The following CRNN variants were observed in gnomAD, a reference collection of about 807,000 sequenced individuals.
The protein encoded by CRNN is cornulin, also known as 53 kDa putative calcium-binding protein.
Under a neutral mutation model 44.7 loss-of-function variants are expected in CRNN, and 39 were observed. That is an observed-to-expected ratio of 0.87 (90% confidence interval 0.68 to 1.14). CRNN has a LOEUF of 1.14. Ranked by LOEUF, CRNN falls within the 50% of genes most tolerant of loss-of-function variation. CRNN has a pLI of 0.00. For synonymous variants in CRNN, 240 were observed against 231.8 expected, an observed-to-expected ratio of 1.04 and a Z score of -0.32; for missense variants, 606 against 605.1, an observed-to-expected ratio of 1.00 and a Z score of -0.02.
intron 1 of CRNN, among the ~76,000 whole-genome samples, chr1:152,413,331 T>C (rs1655823776): frequency 6.6e-6 from 1 of 152,234 alleles, no homozygotes. Flanking sequence ...GAAGATTCAT[T>C]AAGCAGAAGC....
At position 152,410,919 on chromosome 1, in the gene CRNN, C is replaced by T. The variant is rs2101705433; in HGVS notation, c.163G>A (p.Asp55Asn). 6.2e-7 allele frequency: 1 copy of T among 1,611,734 alleles called. No individual in the cohort carries two copies. The highest frequency in any genetic ancestry group is 1.3e-5 in the African/African-American group (1 of 74,994). The change falls in exon 3 of 3, where the codon GAT (aspartate) becomes AAT (asparagine). Residue 55 changes from aspartate (D) to asparagine (N), a missense_variant. Coordinates refer to ENST00000271835, the MANE Select transcript of CRNN (RefSeq NM_016190.3). Reference protein sequence around the residue: ...IVKPHDPATVDEVLRLLDEDH... With the variant: ...IVKPHDPATVNEVLRLLDEDH... The stretch of plus-strand genomic sequence containing the variant: ...TCATCCAGCAGACGCAGGACCTCAT[C>T]CACAGTTGCTGGATCGTGGGGTTTC...
intron 1 of CRNN, among the ~76,000 whole-genome samples, chr1:152,413,698 T>G (rs148131348): frequency 2.8e-4 from 42 of 152,356 alleles, no homozygotes; most frequent in African/African-American, 8.9e-4. Flanking sequence ...GTAGCAGACT[T>G]TAACCACTGA....
rs769957412 is a variant in CRNN, at chr1:152,410,226, GTCC to G, written c.853_855del (p.Gly285del). On this transcript the variant is annotated inframe_deletion, in exon 3 of 3. Transcript: ENST00000271835. ...TGTGTCCCTGCCTGTATCTGAGCAT[GTCC>G]TCCTGTCACAGCCTGGCTGGTCTGG... 2.0e-5 allele frequency: 32 copies of G among 1,612,448 alleles called. No individual in the cohort carries two copies. The highest frequency in any genetic ancestry group is 4.2e-6 in the Non-Finnish European group (5 of 1,179,510).
rs936134247 is a variant in CRNN, at chr1:152,409,944, G to A, written c.1138C>T (p.Gln380Ter). 1.2e-6 allele frequency: 2 copies of A among 1,614,060 alleles called. No individual in the cohort carries two copies. Among genetic ancestry groups the A allele is most frequent in the Non-Finnish European group, 1.7e-6 (2 of 1,180,032 alleles). ...ATCCATCTTTGACCACTGCCTGGCT[G>A]CGTCTGGGTCTGTCCCTGTTCTCTA... ...GAREQGQTQT[Q>*]PGSGQRWMQV... Residue 380 changes from glutamine (Q) to a stop codon, truncating the protein, a stop_gained, in exon 3 of 3, where the codon CAG (glutamine) becomes TAG (stop). Coordinates refer to ENST00000271835, the MANE Select transcript of CRNN (RefSeq NM_016190.3). LOFTEE classifies it high-confidence loss of function.
chr1:152,411,955 C>T, intron 2 of CRNN, 141 bp downstream of exon 2: 1 of 851,746 alleles, frequency 1.2e-6, no homozygotes, highest in East Asian at 2.7e-5. Flanking sequence ...ACCTTTTTTT[C>T]TGCCTGCACA....
At chr1:152,412,343 G>T in intron 1 of CRNN, 97 bp from the exon 2 acceptor site, 2 of 1,281,606 alleles carry the variant, frequency 1.6e-6, no homozygotes, top group Non-Finnish European at 2.2e-6. Context: ...TGCACGTTCA[G>T]CTCTGTTTTT....
intron 1 of CRNN, among the ~76,000 whole-genome samples, chr1:152,413,400 G>T (rs1290373690): frequency 6.6e-6 from 1 of 152,208 alleles, no homozygotes; most frequent in Non-Finnish European, 1.5e-5. Context: ...AATGCAAGGG[G>T]AGATGGAGCC....
At position 152,410,332 on chromosome 1, in the gene CRNN, T is replaced by G; in HGVS notation, c.750A>C (p.Thr250=). The G allele has an allele frequency of 6.2e-7, 1 of 1,614,120 alleles. No homozygotes were observed. Among genetic ancestry groups the G allele is most frequent in the Non-Finnish European group, 8.5e-7 (1 of 1,180,026 alleles). The change falls in exon 3 of 3, where the codon ACA becomes ACC. Residue 250 remains threonine (T), a synonymous_variant. Coordinates refer to ENST00000271835, the MANE Select transcript of CRNN (RefSeq NM_016190.3). ...QTVEQDSSHQ[T]GRTSKQTQEA... ...CCTGTGTCTGCTTGCTGGTTCTTCC[T>G]GTCTGGTGGCTGCTGTCCTGCTCCA...
At chr1:152,412,706 C>T (rs963640633) in intron 1 of CRNN, among the ~76,000 whole-genome samples, 1 of 152,160 alleles carries the variant, frequency 6.6e-6, no homozygotes, top group East Asian at 1.9e-4. Flanking sequence ...CTTTCCTGTA[C>T]ATCATCTCTT....
rs773776283 is a variant in CRNN at position 152,410,925 on chromosome 1, T to C, written c.157A>G (p.Thr53Ala). The C allele has an allele frequency of 6.2e-6, 10 of 1,609,806 alleles. No homozygotes were observed. Among genetic ancestry groups the C allele is most frequent in the Non-Finnish European group, 8.5e-6 (10 of 1,177,782 alleles). ...AGCAGACGCAGGACCTCATCCACAG[T>C]TGCTGGATCGTGGGGTTTCTGAGGA... The part of the protein sequence containing the change: ...DVIVKPHDPA[T>A]VDEVLRLLDE... The change falls in exon 3 of 3, where the codon ACT becomes GCT. Residue 53 changes from threonine to alanine, a missense_variant. Transcript: ENST00000271835.
At position 152,410,462 on chromosome 1, in the gene CRNN, C is replaced by A; in HGVS notation, c.620G>T (p.Arg207Met). Residue 207 changes from arginine to methionine, a missense_variant, in exon 3 of 3, where the codon AGG becomes ATG. Transcript: ENST00000271835. Reference sequence around the variant, plus strand: ...CCTGGTCTGTGGCTGTCTCTCTGGCCTCATCTCTGTTGTCTGATTCCTCTT... The same window carrying A: ...CCTGGTCTGTGGCTGTCTCTCTGGCATCATCTCTGTTGTCTGATTCCTCTT... ...EGKRNQTTEMRPERQPQTREQ... is the reference protein window; with the variant it reads ...EGKRNQTTEMMPERQPQTREQ... 6.2e-7 allele frequency: 1 copy of A among 1,614,176 alleles called. No homozygotes were observed. Among genetic ancestry groups the A allele is most frequent in the African/African-American group, 1.3e-5 (1 of 75,036 alleles).
chr1:152,412,395 G>A (rs1655795863), intron 1 of CRNN, 149 bp from the exon 2 acceptor site: 5 of 797,330 alleles, frequency 6.3e-6, no homozygotes, highest in Non-Finnish European at 9.6e-6. Context: ...TCTTATGTAT[G>A]GGAAGGAGGA....
intron 1 of CRNN, 73 bp from the exon 2 acceptor site, chr1:152,412,319 G>GCAAGGAAAGAC: frequency 1.4e-6 from 2 of 1,446,448 alleles, no homozygotes; most frequent in Non-Finnish European, 1.9e-6. Flanking sequence ...CACGTCTGCT[G>GCAAGGAAAGAC]CTAGGTCTTT....
At chr1:152,412,947 C>T (rs61323779) in intron 1 of CRNN, among the ~76,000 whole-genome samples, 1,646 of 152,250 alleles carry the variant, frequency 0.011, 26 homozygotes, top group African/African-American at 0.038. Flanking sequence ...GAGTCAACCC[C>T]TGTCTTGGAT....
intron 1 of CRNN, 119 bp from the exon 2 acceptor site, chr1:152,412,365 G>A: frequency 3.9e-6 from 4 of 1,030,298 alleles, no homozygotes; most frequent in Non-Finnish European, 5.7e-6. Context: ...GTTTTCCTTT[G>A]TCCTTTCCTA....
At position 152,410,101 on chromosome 1, in the gene CRNN, C is replaced by A. The variant is rs1655708257; in HGVS notation, c.981G>T (p.Gly327=). Reference sequence around the variant, plus strand: ...TCCTGCCTTGACCGTGGATCTCAGTCCCTCTGTTCTGGCCATTGGTGGACT... The same window carrying A: ...TCCTGCCTTGACCGTGGATCTCAGTACCTCTGTTCTGGCCATTGGTGGACT... ...TQESTNGQNR[G]TEIHGQGRSQ... The change falls in exon 3 of 3, where the codon GGG becomes GGT. Residue 327 remains glycine (G), a synonymous_variant. Coordinates refer to ENST00000271835, the MANE Select transcript of CRNN (RefSeq NM_016190.3). 2 of 1,613,706 alleles carry A rather than the reference C, an allele frequency of 1.2e-6. No homozygotes were observed. The highest frequency in any genetic ancestry group is 2.7e-5 in the African/African-American group (2 of 74,770).
intron 1 of CRNN, among the ~76,000 whole-genome samples, chr1:152,413,786 T>C (rs1025997647): frequency 6.6e-6 from 1 of 152,264 alleles, no homozygotes; most frequent in African/African-American, 2.4e-5. Flanking sequence ...ATATTTTGCC[T>C]AAATATCACC....
At chr1:152,411,980 C>T (rs561597197) in intron 2 of CRNN, 116 bp downstream of exon 2, 23 of 1,165,550 alleles carry the variant, frequency 2.0e-5, no homozygotes, top group Middle Eastern at 3.2e-4. Flanking sequence ...CCATCTGTCC[C>T]GGCAGGCCTG....
chr1:152,409,733 G>A lies in CRNN; in HGVS notation c.1349C>T (p.Thr450Ile), dbSNP rs1249132351. Reference protein sequence around the residue: ...EEWVDDHSRETVILRLDQGNL... With the variant: ...EEWVDDHSREIVILRLDQGNL... ...GCCCTGGTCCAGCCTGAGGATCACT[G>A]TCTCCCTTGAGTGGTCATCAACCCA... Residue 450 changes from threonine (T) to isoleucine (I), a missense_variant, in exon 3 of 3, where the codon ACA becomes ATA. By Grantham distance (89) the Thr-to-Ile change is moderately conservative (BLOSUM62 -1). Coordinates refer to ENST00000271835, the MANE Select transcript of CRNN (RefSeq NM_016190.3). 6.2e-7 allele frequency: 1 copy of A among 1,614,216 alleles called. No homozygotes were observed. The highest frequency in any genetic ancestry group is 8.5e-7 in the Non-Finnish European group (1 of 1,180,042).
Sources: gnomAD v4.1 joint callset for allele counts (sites outside exome capture counted in the v4.1 genomes callset) on GRCh38, gnomAD v4.1.1 for gene constraint, MANE v1.5 for transcripts, NCBI Gene and HGNC (gene_info 2026-07-23, HGNC 2026-07-21) for gene names.